Variants in DLGAP2 observed in about 807,000 individuals in gnomAD.
DLGAP2 encodes disks large-associated protein 2.
Under a neutral mutation model 100.3 loss-of-function variants are expected in DLGAP2, and 26 were observed. That is an observed-to-expected ratio of 0.26 (90% confidence interval 0.19 to 0.36). The LOEUF (loss-of-function observed/expected upper bound fraction) is 0.36, where lower values mean the gene tolerates loss of function less well. Ranked by LOEUF, DLGAP2 falls within the 10% of genes least tolerant of loss-of-function variation. DLGAP2 has a pLI of 1.00. For synonymous variants in DLGAP2, 886 were observed against 630.1 expected (o/e 1.41, Z -6.08); for missense variants, 1,858 against 1,453.2 (o/e 1.28, Z -4.53).
At chr8:1,168,326 G>A (rs1165555256) in intron 2 of DLGAP2, among the ~76,000 whole-genome samples, 2 of 151,772 alleles carry the variant, frequency 1.3e-5, no homozygotes, top group African/African-American at 2.4e-5. Flanking sequence ...ATTGTGAATA[G>A]TGCCGCAATA....
chr8:925,825 A>G (rs1260638824), intron 2 of DLGAP2, among the ~76,000 whole-genome samples: 5 of 152,180 alleles, frequency 3.3e-5, no homozygotes, highest in Non-Finnish European at 7.3e-5. Context: ...TTCTAGCATG[A>G]AGGCAGGAAA....
At chr8:1,343,426 G>C (rs1241509631) in intron 3 of DLGAP2, among the ~76,000 whole-genome samples, 1 of 152,136 alleles carries the variant, frequency 6.6e-6, no homozygotes, top group African/African-American at 2.4e-5. Flanking sequence ...CATCATGTAG[G>C]CTTGGGGTGC....
At chr8:1,246,722 G>C (rs1039183166) in intron 2 of DLGAP2, 1 of 152,314 alleles carries the variant, frequency 6.6e-6, no homozygotes, top group Non-Finnish European at 1.5e-5. Context: ...CTGGGGATGT[G>C]TGTGGCATCG....
intron 1 of DLGAP2, among the ~76,000 whole-genome samples, chr8:828,155 C>T (rs531306888): frequency 6.6e-6 from 1 of 152,296 alleles, no homozygotes; most frequent in South Asian, 2.1e-4. Flanking sequence ...AAGTTTTGGG[C>T]ACCACTGTCA....
intron 1 of DLGAP2, among the ~76,000 whole-genome samples, chr8:870,158 T>C (rs1797570516): frequency 6.6e-6 from 1 of 152,226 alleles, no homozygotes; most frequent in Non-Finnish European, 1.5e-5. Flanking sequence ...ATCTTGATTT[T>C]ATTCTATGGC....
intron 3 of DLGAP2, among the ~76,000 whole-genome samples, chr8:1,432,678 C>A (rs112192960): frequency 0.011 from 1,652 of 152,348 alleles, 11 homozygotes; most frequent in South Asian, 0.018. Context: ...GAGCTGTTCT[C>A]TTCTGTGTCT....
chr8:1,435,847 T>G (rs1174445324), intron 3 of DLGAP2, among the ~76,000 whole-genome samples: 6 of 151,928 alleles, frequency 3.9e-5, no homozygotes, highest in Non-Finnish European at 4.4e-5. Context: ...GATGTGTTTT[T>G]GGGTCTTAGT....
chr8:1,054,474 G>C (rs1235911150), intron 2 of DLGAP2, among the ~76,000 whole-genome samples: 1 of 152,064 alleles, frequency 6.6e-6, no homozygotes, highest in East Asian at 1.9e-4. Flanking sequence ...GTCAACATAA[G>C]TTTTTACATA....
chr8:877,020 T>A (rs2128992605), intron 1 of DLGAP2, among the ~76,000 whole-genome samples: 1 of 152,070 alleles, frequency 6.6e-6, no homozygotes, highest in African/African-American at 2.4e-5. Flanking sequence ...TTTTATTTTT[T>A]GCAACATTCT....
At chr8:1,327,783 G>A (rs773106367) in intron 3 of DLGAP2, among the ~76,000 whole-genome samples, 1 of 152,324 alleles carries the variant, frequency 6.6e-6, no homozygotes, top group Non-Finnish European at 1.5e-5. Flanking sequence ...GGGGGAGCTT[G>A]CAATGAGCAG....
intron 2 of DLGAP2, among the ~76,000 whole-genome samples, chr8:1,040,274 G>A (rs538242244): frequency 3.9e-4 from 57 of 144,660 alleles, no homozygotes; most frequent in Non-Finnish European, 5.6e-4. Context: ...CTCGGTGTGC[G>A]TGGTCAGCTC....
At chr8:1,469,246 C>G (rs971940436) in intron 3 of DLGAP2, among the ~76,000 whole-genome samples, 25 of 152,238 alleles carry the variant, frequency 1.6e-4, no homozygotes, top group Non-Finnish European at 3.1e-4. Context: ...CTGTGGCCAG[C>G]AGCAGTGGCC....
chr8:1,289,888 G>C (rs1480234788), intron 3 of DLGAP2, among the ~76,000 whole-genome samples: 1 of 152,224 alleles, frequency 6.6e-6, no homozygotes, highest in East Asian at 1.9e-4. Flanking sequence ...AAGATGATTT[G>C]TAAGTGGTTT....
At chr8:1,159,110 C>T (rs533081328) in intron 2 of DLGAP2, among the ~76,000 whole-genome samples, 1 of 152,176 alleles carries the variant, frequency 6.6e-6, no homozygotes, top group Non-Finnish European at 1.5e-5. Context: ...TAGACCTGGT[C>T]ATTTGACACC....
chr8:834,430 C>T (rs1008749647), intron 1 of DLGAP2, among the ~76,000 whole-genome samples: 1 of 152,240 alleles, frequency 6.6e-6, no homozygotes, highest in Middle Eastern at 3.2e-3. Flanking sequence ...ACGCATGCGC[C>T]TGCGTTCCTC....
Position 1,372,178 on chromosome 8 carries a change from G to A in DLGAP2, c.106+113295G>A, listed in dbSNP as rs576852209. ...TGGGTGGGGCGCAGGTCACCGTGGC[G>A]CCAACGCTGGGGCGCAGGTCACCGT... On this transcript the variant is annotated intron_variant, in intron 3 of 14. Transcript: ENST00000637795. Among the ~76,000 whole-genome samples the A allele has an allele frequency of 2.6e-4, 39 of 152,082 alleles. 1 individual carries two copies. Among genetic ancestry groups the A allele is most frequent in the African/African-American group, 8.0e-4 (33 of 41,446 alleles).
intron 3 of DLGAP2, among the ~76,000 whole-genome samples, chr8:1,260,626 G>T (rs539166483): frequency 6.6e-6 from 1 of 151,932 alleles, no homozygotes; most frequent in Admixed American, 6.6e-5. Context: ...GGACATAAAA[G>T]AAGAGTTTTT....
At chr8:979,874 C>T (rs191261120) in intron 2 of DLGAP2, among the ~76,000 whole-genome samples, 9 of 152,266 alleles carry the variant, frequency 5.9e-5, no homozygotes, top group East Asian at 1.9e-4. Context: ...AGGAAGTTTG[C>T]GGTTTCCTTG....
intron 2 of DLGAP2, among the ~76,000 whole-genome samples, chr8:1,146,946 C>T (rs1390331637): frequency 6.6e-6 from 1 of 152,182 alleles, no homozygotes; most frequent in Non-Finnish European, 1.5e-5. Context: ...CAATAAATTT[C>T]TCCTCTTCAG....
Sources: gnomAD v4.1 joint callset for allele counts (sites outside exome capture counted in the v4.1 genomes callset) on GRCh38, gnomAD v4.1.1 for gene constraint, MANE v1.5 for transcripts, NCBI Gene and HGNC (gene_info 2026-07-23, HGNC 2026-07-21) for gene names.